Variants in CALN1 observed in about 807,000 individuals in gnomAD.
The protein encoded by CALN1 is calneuron 1, also known as calcium-binding protein 8.
CALN1 carries 17 observed loss-of-function variants against 30.6 expected under a neutral mutation model. That is an observed-to-expected ratio of 0.56 (90% CI 0.38 to 0.83). CALN1 has a LOEUF of 0.83. CALN1 is among the 40% of genes least tolerant of loss of function. The probability of loss-of-function intolerance (pLI) is 0.00; values close to 1 mark genes in which losing one functional copy is unlikely to be tolerated. For synonymous variants in CALN1, 156 were observed against 131.4 expected, an observed-to-expected ratio of 1.19 and a Z score of -1.28; for missense variants, 291 against 354.9, an observed-to-expected ratio of 0.82 and a Z score of 1.45.
chr7:72,181,103 C>A (rs377471917), intron 3 of CALN1, among the ~76,000 whole-genome samples: 1,423 of 87,506 alleles, frequency 0.016, 42 homozygotes, highest in African/African-American at 0.054. Context: ...ATAACCCCCC[C>A]CCCCCCCAAA....
intron 3 of CALN1, among the ~76,000 whole-genome samples, chr7:72,264,091 A>G (rs998742768): frequency 4.6e-5 from 7 of 152,204 alleles, no homozygotes; most frequent in African/African-American, 1.4e-4. Flanking sequence ...GACCGAGCCA[A>G]AACTAATTGG....
intron 1 of CALN1, among the ~76,000 whole-genome samples, chr7:72,431,479 C>G (rs996347269): frequency 6.6e-6 from 1 of 152,148 alleles, no homozygotes; most frequent in African/African-American, 2.4e-5. Flanking sequence ...ATTGCCACTC[C>G]GTGGAATCAC....
intron 5 of CALN1, among the ~76,000 whole-genome samples, chr7:71,976,547 C>A (rs1798109814): frequency 6.6e-6 from 1 of 152,240 alleles, no homozygotes; most frequent in African/African-American, 2.4e-5. Flanking sequence ...GCAGGGATGG[C>A]TGAGATGTTC....
At chr7:72,123,396 CCT>C (rs1168923578) in intron 3 of CALN1, among the ~76,000 whole-genome samples, 1 of 152,144 alleles carries the variant, frequency 6.6e-6, no homozygotes, top group Non-Finnish European at 1.5e-5. Context: ...AACAAGAACT[CCT>C]CTTCTGTTGT....
intron 5 of CALN1, among the ~76,000 whole-genome samples, chr7:71,954,075 G>A (rs1400705305): frequency 6.6e-6 from 1 of 152,232 alleles, no homozygotes. Context: ...TGTAATCCCA[G>A]CACTTTGGGA....
rs187173993 is a variant in CALN1, at chr7:71,958,973, C to A, written c.501+64684G>T. On this transcript the variant is annotated intron_variant, in intron 5 of 6. Coordinates refer to ENST00000395275, the MANE Select transcript of CALN1 (RefSeq NM_031468.4). ...CTTCTCCGAGTGGCTTTCCTTATGA[C>A]GGGAAACCTGGAGTATCAGGCTTTC... Among the ~76,000 whole-genome samples, 15 of 152,316 alleles carry A rather than the reference C, an allele frequency of 9.8e-5. No homozygotes were observed. The East Asian group carries it at 2.9e-3, about 29-fold the overall frequency.
chr7:72,181,143 C>T (rs1378260226), intron 3 of CALN1, among the ~76,000 whole-genome samples: 1 of 134,910 alleles, frequency 7.4e-6, no homozygotes, highest in South Asian at 2.4e-4. Flanking sequence ...ACCCTATAAG[C>T]TTTTACCCCT....
chr7:72,148,520 G>C (rs1010201067), intron 3 of CALN1, among the ~76,000 whole-genome samples: 3 of 152,146 alleles, frequency 2.0e-5, no homozygotes, highest in African/African-American at 7.2e-5. Flanking sequence ...GATTGCTTGA[G>C]CCCAGGAGTT....
chr7:72,371,881 A>G (rs539482473), intron 2 of CALN1, among the ~76,000 whole-genome samples: 1 of 152,196 alleles, frequency 6.6e-6, no homozygotes, highest in Middle Eastern at 3.2e-3. Context: ...GCAGTGATAA[A>G]ATCAGGGCAG....
the CALN1 span, among the ~76,000 whole-genome samples, chr7:72,480,871 C>T: frequency 6.6e-6 from 1 of 152,152 alleles, no homozygotes; most frequent in Admixed American, 6.5e-5. Context: ...TATGGAATCT[C>T]TAACGATGTC....
intron 4 of CALN1, among the ~76,000 whole-genome samples, chr7:72,033,637 G>A (rs1210175806): frequency 3.9e-5 from 6 of 152,320 alleles, no homozygotes; most frequent in African/African-American, 1.4e-4. Context: ...CAATGGTGAG[G>A]ATGCCAGGAA....
intron 5 of CALN1, among the ~76,000 whole-genome samples, chr7:71,824,336 C>T (rs2116348394): frequency 6.6e-6 from 1 of 152,266 alleles, no homozygotes; most frequent in East Asian, 1.9e-4. Context: ...CCAGGAGGAG[C>T]ACTCTCTACA....
chr7:71,821,788 C>CTTTTTTT (rs775510268), intron 5 of CALN1, among the ~76,000 whole-genome samples: 4 of 95,818 alleles, frequency 4.2e-5, no homozygotes, highest in Admixed American at 1.1e-4. Flanking sequence ...ATGTTTCTTT[C>CTTTTTTT]TTTTTTTTTT....
At chr7:72,302,377 T>C (rs1171160557) in intron 2 of CALN1, among the ~76,000 whole-genome samples, 1 of 152,150 alleles carries the variant, frequency 6.6e-6, no homozygotes, top group Non-Finnish European at 1.5e-5. Context: ...CATGCTGACA[T>C]TAAACTGCAC....
intron 3 of CALN1, among the ~76,000 whole-genome samples, chr7:72,233,563 AG>A (rs1794262661): frequency 6.6e-6 from 1 of 152,124 alleles, no homozygotes; most frequent in Non-Finnish European, 1.5e-5. Context: ...AAAAAAAAAC[AG>A]AAACATTAGC....
At chr7:71,959,146 C>G (rs1412128024) in intron 5 of CALN1, among the ~76,000 whole-genome samples, 2 of 152,198 alleles carry the variant, frequency 1.3e-5, no homozygotes, top group Non-Finnish European at 2.9e-5. Flanking sequence ...TTTCACCAGA[C>G]TTAGTAGCAG....
intron 3 of CALN1, among the ~76,000 whole-genome samples, chr7:72,187,670 G>C (rs1176371597): frequency 6.6e-6 from 1 of 152,176 alleles, no homozygotes; most frequent in East Asian, 1.9e-4. Context: ...AAAAGGGTTG[G>C]AGACTGCTGG....
At chr7:72,164,353 A>T (rs75645201) in intron 3 of CALN1, among the ~76,000 whole-genome samples, 3 of 127,620 alleles carry the variant, frequency 2.4e-5, no homozygotes, top group Admixed American at 8.4e-5. Flanking sequence ...CTCCGTCAAA[A>T]AAAAAAAAAA....
intron 5 of CALN1, among the ~76,000 whole-genome samples, chr7:71,980,796 CAG>C (rs140617569): frequency 3.3e-5 from 5 of 152,228 alleles, no homozygotes; most frequent in Admixed American, 2.0e-4. Context: ...GGTACAGAAA[CAG>C]AGAGAGGTAG....
Sources: gnomAD v4.1 joint callset for allele counts (sites outside exome capture counted in the v4.1 genomes callset) on GRCh38, gnomAD v4.1.1 for gene constraint, MANE v1.5 for transcripts, NCBI Gene and HGNC (gene_info 2026-07-23, HGNC 2026-07-21) for gene names.